Variants in NPSR1 observed in about 807,000 individuals in gnomAD.
The protein encoded by NPSR1 is neuropeptide S receptor 1, also known as neuropeptide S receptor.
Under a neutral mutation model 46.9 loss-of-function variants are expected in NPSR1, and 48 were observed. The ratio of observed to expected loss-of-function variants is 1.02; its 90% CI spans 0.81 to 1.30. The LOEUF is 1.30. Ranked by LOEUF, NPSR1 falls within the 50% of genes most tolerant of loss-of-function variation. NPSR1 has a pLI of 0.00. For synonymous variants in NPSR1, 176 were observed against 168.1 expected, an observed-to-expected ratio of 1.05 and a Z score of -0.36; for missense variants, 450 against 449.5, an observed-to-expected ratio of 1.00 and a Z score of -0.01.
intron 2 of NPSR1, among the ~76,000 whole-genome samples, chr7:34,730,999 A>T (rs1051248825): frequency 1.3e-5 from 2 of 152,230 alleles, no homozygotes; most frequent in Non-Finnish European, 2.9e-5. Context: ...ATTTTTAGGA[A>T]AAGAATTTCA....
intron 1 of NPSR1, among the ~76,000 whole-genome samples, chr7:34,669,645 G>A (rs532595191): frequency 1.3e-5 from 2 of 151,958 alleles, no homozygotes; most frequent in South Asian, 4.2e-4. Flanking sequence ...TTTGACCACA[G>A]AGCATTACAA....
At chr7:34,867,489 A>T (rs1791339520) in intron 8 of NPSR1, among the ~76,000 whole-genome samples, 1 of 151,928 alleles carries the variant, frequency 6.6e-6, no homozygotes, top group Admixed American at 6.5e-5. Flanking sequence ...CCAGCTCCTC[A>T]GCCCAAGGAA....
intron 2 of NPSR1, among the ~76,000 whole-genome samples, chr7:34,763,704 T>A (rs1395230585): frequency 6.6e-6 from 1 of 152,116 alleles, no homozygotes; most frequent in African/African-American, 2.4e-5. Flanking sequence ...CCCACACCAA[T>A]GGAGCAGCAT....
chr7:34,787,923 A>G (rs1277705140), intron 3 of NPSR1, among the ~76,000 whole-genome samples: 1 of 152,078 alleles, frequency 6.6e-6, no homozygotes, highest in Non-Finnish European at 1.5e-5. Context: ...GCTCAAAATA[A>G]CCAAAATATG....
chr7:34,819,885 C>A (rs139715893), intron 4 of NPSR1, among the ~76,000 whole-genome samples: 193 of 152,160 alleles, frequency 1.3e-3, no homozygotes, highest in African/African-American at 3.8e-3. Flanking sequence ...AACACTTGGA[C>A]GCAGGGTGGG....
chr7:34,778,201 A>G lies in NPSR1; in HGVS notation c.281-261A>G, dbSNP rs541913938. ...TTCTGTGACTTAAAAAGTCAACTCT[A>G]TGATTAGCATGATTCCTCTTCAGTC... On this transcript the variant is annotated intron_variant, in intron 2 of 8. Transcript: ENST00000360581. Among the ~76,000 whole-genome samples, 6 of 152,234 alleles carry G rather than the reference A, an allele frequency of 3.9e-5. No individual in the cohort carries two copies. The East Asian group carries it at 7.7e-4, about 20-fold the overall frequency.
chr7:34,853,865 C>A (rs1262764119), downstream of NPSR1, among the ~76,000 whole-genome samples: 1 of 151,720 alleles, frequency 6.6e-6, no homozygotes, highest in East Asian at 1.9e-4. Context: ...ACTTGGGAGG[C>A]TGAGGCAGGA....
chr7:34,844,726 C>T (rs777635477), intron 6 of NPSR1, among the ~76,000 whole-genome samples, 170 bp from the exon 7 acceptor site: 8 of 152,206 alleles, frequency 5.3e-5, no homozygotes, highest in Non-Finnish European at 1.0e-4. Context: ...TCTCCAGAAA[C>T]CAGCCCAGAA....
At chr7:34,688,648 C>T (rs1451456017) in intron 2 of NPSR1, among the ~76,000 whole-genome samples, 1 of 152,152 alleles carries the variant, frequency 6.6e-6, no homozygotes, top group Non-Finnish European at 1.5e-5. Context: ...ATGCAAAGAC[C>T]TTGTGGCTGC....
At chr7:34,803,071 G>A (rs533999304) in intron 3 of NPSR1, among the ~76,000 whole-genome samples, 3 of 145,010 alleles carry the variant, frequency 2.1e-5, no homozygotes, top group Non-Finnish European at 4.4e-5. Flanking sequence ...GAAACAACAG[G>A]TGCTGGAGAG....
chr7:34,748,450 C>T (rs9986878), intron 2 of NPSR1, among the ~76,000 whole-genome samples: 3 of 152,014 alleles, frequency 2.0e-5, no homozygotes, highest in Admixed American at 6.5e-5. Flanking sequence ...AGCCTCAGGA[C>T]GGGGCCAGAG....
At chr7:34,836,088 A>T (rs1359170274) in intron 6 of NPSR1, among the ~76,000 whole-genome samples, 2 of 152,128 alleles carry the variant, frequency 1.3e-5, no homozygotes, top group African/African-American at 4.8e-5. Context: ...ACCCACGAAG[A>T]CCCAGTCATT....
At chr7:34,726,364 T>C (rs1237828527) in intron 2 of NPSR1, among the ~76,000 whole-genome samples, 1 of 152,206 alleles carries the variant, frequency 6.6e-6, no homozygotes, top group Non-Finnish European at 1.5e-5. Context: ...CAACACCAAA[T>C]GCTGGTGGGG....
intron 3 of NPSR1, among the ~76,000 whole-genome samples, chr7:34,779,328 C>T (rs1334706677): frequency 6.6e-6 from 1 of 151,760 alleles, no homozygotes; most frequent in Non-Finnish European, 1.5e-5. Context: ...GTTTGATGTG[C>T]TGTTTCTGAG....
intron 2 of NPSR1, among the ~76,000 whole-genome samples, chr7:34,707,000 A>AG (rs1375519628): frequency 6.6e-6 from 1 of 152,108 alleles, no homozygotes; most frequent in African/African-American, 2.4e-5. Flanking sequence ...CTCAAACAGG[A>AG]GAAAAAATGG....
intron 2 of NPSR1, among the ~76,000 whole-genome samples, chr7:34,755,588 G>C (rs62462885): frequency 0.13 from 19,138 of 152,150 alleles, 1,478 homozygotes; most frequent in Non-Finnish European, 0.17. Flanking sequence ...GTCATTTCCA[G>C]TTTAGGGCTA....
intron 3 of NPSR1, among the ~76,000 whole-genome samples, chr7:34,802,318 C>A (rs1788461229): frequency 6.7e-6 from 1 of 150,244 alleles, no homozygotes; most frequent in South Asian, 2.1e-4. Context: ...TCAAACTATA[C>A]TACAAGGCTA....
chr7:34,822,313 G>A (rs1789597265), intron 4 of NPSR1, among the ~76,000 whole-genome samples: 1 of 152,224 alleles, frequency 6.6e-6, no homozygotes, highest in South Asian at 2.1e-4. Context: ...TTCCCCGAGA[G>A]TGGCAGGGCT....
At chr7:34,739,708 G>A (rs1255522977) in intron 2 of NPSR1, among the ~76,000 whole-genome samples, 3 of 152,182 alleles carry the variant, frequency 2.0e-5, no homozygotes. Flanking sequence ...AGGTCTACCA[G>A]GCTCCAGGCT....
Sources: gnomAD v4.1 joint callset for allele counts (sites outside exome capture counted in the v4.1 genomes callset) on GRCh38, gnomAD v4.1.1 for gene constraint, MANE v1.5 for transcripts, NCBI Gene and HGNC (gene_info 2026-07-23, HGNC 2026-07-21) for gene names.